The following LOC400499 variants were observed in gnomAD, a reference collection of about 807,000 sequenced individuals.
chr16:11,461,168 A>T, the LOC400499 span: 4 of 1,489,134 alleles, frequency 2.7e-6, no homozygotes, highest in Non-Finnish European at 3.6e-6. Flanking sequence ...CCCAGGGACC[A>T]GCACCCCCAT....
chr16:11,448,187 T>C, the LOC400499 span: 2 of 1,311,120 alleles, frequency 1.5e-6, no homozygotes, highest in South Asian at 3.1e-5. Flanking sequence ...CCCCCAGAAA[T>C]GACTATCCGA....
the LOC400499 span, among the ~76,000 whole-genome samples, chr16:11,460,318 A>G: frequency 4.2e-3 from 646 of 152,296 alleles, 8 homozygotes; most frequent in African/African-American, 0.015. Flanking sequence ...ATGAACAGAC[A>G]TAAGACTGAG....
the LOC400499 span, among the ~76,000 whole-genome samples, chr16:11,401,027 G>C: frequency 2.6e-5 from 4 of 152,214 alleles, no homozygotes; most frequent in African/African-American, 9.6e-5. Flanking sequence ...ATTAAAATGT[G>C]AGCTATCTTC....
chr16:11,420,941 C>T, the LOC400499 span, among the ~76,000 whole-genome samples: 1 of 152,340 alleles, frequency 6.6e-6, no homozygotes, highest in African/African-American at 2.4e-5. Context: ...ATGTGCCACC[C>T]ACCCTCTGGG....
the LOC400499 span, among the ~76,000 whole-genome samples, chr16:11,526,501 A>G: frequency 6.6e-6 from 1 of 152,254 alleles, no homozygotes; most frequent in Non-Finnish European, 1.5e-5. Flanking sequence ...CAGATCAAGT[A>G]TTTGCAATGA....
At chr16:11,524,361 G>GCCCCCCCCCCCC in the LOC400499 span, among the ~76,000 whole-genome samples, 8 of 93,724 alleles carry the variant, frequency 8.5e-5, no homozygotes, top group African/African-American at 3.2e-4. Flanking sequence ...CATCCACCCA[G>GCCCCCCCCCCCC]CCACCCACCC....
chr16:11,376,069 T>C, the LOC400499 span, among the ~76,000 whole-genome samples: 1 of 152,212 alleles, frequency 6.6e-6, no homozygotes, highest in East Asian at 1.9e-4. Context: ...GGTTGGGTTT[T>C]TGTTGTTACA....
chr16:11,524,361 G>GCCCCCCCCCCCCCCCCCCCCCCC, the LOC400499 span, among the ~76,000 whole-genome samples: 2 of 93,738 alleles, frequency 2.1e-5, no homozygotes, highest in African/African-American at 6.3e-5. Context: ...CATCCACCCA[G>GCCCCCCCCCCCCCCCCCCCCCCC]CCACCCACCC....
the LOC400499 span, among the ~76,000 whole-genome samples, chr16:11,434,235 T>A: frequency 1.4e-4 from 21 of 152,240 alleles, no homozygotes; most frequent in African/African-American, 4.8e-4. Flanking sequence ...ACTCTATAAG[T>A]AATAATGTAT....
At chr16:11,471,145 TG>T in the LOC400499 span, 1 of 152,426 alleles carries the variant, frequency 6.6e-6, no homozygotes. Flanking sequence ...AGGGCCCATC[TG>T]GCTGCTGGTA....
the LOC400499 span, among the ~76,000 whole-genome samples, chr16:11,481,800 T>C: frequency 6.6e-6 from 1 of 151,792 alleles, no homozygotes; most frequent in African/African-American, 2.4e-5. Flanking sequence ...GCCCAGCAAA[T>C]TGTTTTGTGT....
At chr16:11,463,836 T>C in the LOC400499 span, among the ~76,000 whole-genome samples, 2 of 152,262 alleles carry the variant, frequency 1.3e-5, no homozygotes, top group Admixed American at 1.3e-4. Context: ...CGTGTGTTTA[T>C]GGACATGTAT....
chr16:11,513,916 T>C, the LOC400499 span, among the ~76,000 whole-genome samples: 1,080 of 152,198 alleles, frequency 7.1e-3, 15 homozygotes, highest in African/African-American at 0.025. Context: ...TTTCCAAACA[T>C]GGAAAAGCAA....
the LOC400499 span, among the ~76,000 whole-genome samples, chr16:11,451,770 G>T: frequency 6.6e-5 from 10 of 152,176 alleles, no homozygotes; most frequent in Non-Finnish European, 1.0e-4. Context: ...CTGGAGACAG[G>T]AGATTTACTG....
chr16:11,407,660 G>A, the LOC400499 span, among the ~76,000 whole-genome samples: 3 of 152,228 alleles, frequency 2.0e-5, no homozygotes, highest in African/African-American at 7.2e-5. Context: ...GCAGGGGGCA[G>A]TCTAGCAGAA....
At chr16:11,521,085 A>G in the LOC400499 span, among the ~76,000 whole-genome samples, 1 of 152,236 alleles carries the variant, frequency 6.6e-6, no homozygotes, top group South Asian at 2.1e-4. Flanking sequence ...AGATTAATAA[A>G]GCAGCATCTC....
chr16:11,491,645 G>GCCCAAC, the LOC400499 span: 1 of 370,390 alleles, frequency 2.7e-6, no homozygotes, highest in Non-Finnish European at 4.8e-6. Context: ...TTCAGGAGGT[G>GCCCAAC]CCCTCCCAGC....
At chr16:11,379,090 CCT>C in the LOC400499 span, among the ~76,000 whole-genome samples, 646 of 152,206 alleles carry the variant, frequency 4.2e-3, no homozygotes, top group Non-Finnish European at 6.9e-3. Context: ...ATGGTGAAAC[CCT>C]GTCTCTACTG....
chr16:11,509,959 G>T, the LOC400499 span, among the ~76,000 whole-genome samples: 12 of 151,906 alleles, frequency 7.9e-5, no homozygotes, highest in Non-Finnish European at 1.3e-4. Context: ...CCTCTGGAGA[G>T]GGGGGACTCA....
Sources: gnomAD v4.1 joint callset for allele counts (sites outside exome capture counted in the v4.1 genomes callset) on GRCh38, gnomAD v4.1.1 for gene constraint, MANE v1.5 for transcripts.